Variants in PHKB observed in about 807,000 individuals in gnomAD.
PHKB encodes phosphorylase kinase regulatory subunit beta, also known as phosphorylase b kinase regulatory subunit beta.
In PHKB, 122 loss-of-function variants were observed where a neutral mutation model predicts 152.1. The observed-to-expected ratio is 0.80, with a 90% CI of 0.69 to 0.93. The LOEUF (loss-of-function observed/expected upper bound fraction) is 0.93. Ranked by LOEUF, PHKB falls within the 40% of genes least tolerant of loss-of-function variation. PHKB has a pLI of 0.00. For missense variants in PHKB, 1,304 were observed against 1,328.4 expected (o/e 0.98, Z 0.29); for synonymous variants, 436 against 464.9 (o/e 0.94, Z 0.80).
At chr16:47,506,047 A>G (rs1970411885) in intron 4 of PHKB, among the ~76,000 whole-genome samples, 2 of 148,170 alleles carry the variant, frequency 1.3e-5, no homozygotes, top group Admixed American at 6.7e-5. Context: ...AAAAAAAAAG[A>G]AAAAAGAAAA....
intron 4 of PHKB, among the ~76,000 whole-genome samples, chr16:47,509,827 T>C (rs1426580654): frequency 1.3e-5 from 2 of 150,622 alleles, no homozygotes; most frequent in South Asian, 4.2e-4. Flanking sequence ...ACTGGGTATA[T>C]ACAGTTTGTT....
At chr16:47,623,237 GTTTT>G (rs1303440006) in intron 14 of PHKB, among the ~76,000 whole-genome samples, 1 of 151,950 alleles carries the variant, frequency 6.6e-6, no homozygotes, top group Non-Finnish European at 1.5e-5. Context: ...TATTATTGCT[GTTTT>G]TTATTTCAAT....
rs539340150 is a variant in PHKB at position 47,696,346 on chromosome 16, G to A, written c.2896-35G>A. On this transcript the variant is annotated intron_variant, in intron 28 of 30. Coordinates refer to ENST00000323584, the MANE Select transcript of PHKB (RefSeq NM_000293.3). Reference sequence around the variant, plus strand: ...TATTAAATGAGAACCAGAGCATAACGGTTCAGCATGTTAATGTGGAGTTAT... The same window carrying A: ...TATTAAATGAGAACCAGAGCATAACAGTTCAGCATGTTAATGTGGAGTTAT... 4.7e-4 allele frequency: 459 copies of A among 981,636 alleles called. 1 individual carries two copies. The Middle Eastern group carries it at 0.011, about 23-fold the overall frequency. The allele number at this position is 981,636 out of a possible 1,614,324, so 60.8% of individuals were successfully genotyped here.
chr16:47,617,657 G>T (rs1363195735), intron 14 of PHKB, among the ~76,000 whole-genome samples: 1 of 152,034 alleles, frequency 6.6e-6, no homozygotes, highest in East Asian at 1.9e-4. Flanking sequence ...CACATACCTG[G>T]TATTTCTCAT....
intron 16 of PHKB, among the ~76,000 whole-genome samples, chr16:47,646,835 A>G (rs1973137412): frequency 6.6e-6 from 1 of 151,928 alleles, no homozygotes; most frequent in South Asian, 2.1e-4. Flanking sequence ...TCCTGCAGAT[A>G]TAATAACACA....
chr16:47,466,815 A>G (rs886732935), intron 1 of PHKB, among the ~76,000 whole-genome samples: 3 of 152,184 alleles, frequency 2.0e-5, no homozygotes, highest in African/African-American at 7.2e-5. Flanking sequence ...CTAACCGTCA[A>G]CTAATCAAAA....
chr16:47,577,118 T>G (rs1040013981), intron 7 of PHKB, among the ~76,000 whole-genome samples: 1 of 152,104 alleles, frequency 6.6e-6, no homozygotes, highest in Non-Finnish European at 1.5e-5. Flanking sequence ...CCTACCTTCC[T>G]GTGGGTACTT....
chr16:47,663,650 A>G (rs1973482733), intron 23 of PHKB, 27 bp from the exon 24 acceptor site: 1 of 1,598,700 alleles, frequency 6.3e-7, no homozygotes, highest in Non-Finnish European at 8.6e-7. Flanking sequence ...GCTTTGTTCA[A>G]CAAAGACTCT....
At chr16:47,636,908 G>C (rs956299894) in intron 14 of PHKB, among the ~76,000 whole-genome samples, 1 of 152,196 alleles carries the variant, frequency 6.6e-6, no homozygotes, top group Non-Finnish European at 1.5e-5. Flanking sequence ...CTGCAGCCCA[G>C]AGTGAGAAAC....
chr16:47,535,080 G>A (rs1970928778), intron 6 of PHKB, among the ~76,000 whole-genome samples: 1 of 152,210 alleles, frequency 6.6e-6, no homozygotes, highest in Non-Finnish European at 1.5e-5. Flanking sequence ...ACTCACTGCA[G>A]GTAGGGCTCG....
At position 47,640,300 on chromosome 16, in the gene PHKB, A is replaced by G. The variant is rs1388269150; in HGVS notation, c.1459-735A>G. On this transcript the variant is annotated intron_variant, in intron 14 of 30. Transcript: ENST00000323584. ...TTGATCAGTATTTTCAGAGCTCCCT[A>G]ATACTGTAATTTATTGGTGCTTCTT... Among the ~76,000 whole-genome samples, 3 of 152,178 alleles carry G rather than the reference A, an allele frequency of 2.0e-5. No individual in the cohort carries two copies. In the East Asian group the frequency reaches 5.8e-4, roughly 29 times the overall value.
In PHKB at chr16:47,698,096, G is replaced by C. The variant is rs28474983; in HGVS notation, c.3004-352G>C. 4.2e-3 allele frequency among the ~76,000 whole-genome samples: 641 copies of C among 152,244 alleles called. 6 individuals are homozygous for C. The highest frequency in any genetic ancestry group is 0.015 in the African/African-American group (611 of 41,534). ...TCCACAGACAGTGTTTTGGTGTCTTGCCAACAAGGATTGACACCCAAAGGC... is the reference window on the plus strand; with the variant it reads ...TCCACAGACAGTGTTTTGGTGTCTTCCCAACAAGGATTGACACCCAAAGGC... On this transcript the variant is annotated intron_variant, in intron 29 of 30. Coordinates refer to ENST00000323584, the MANE Select transcript of PHKB (RefSeq NM_000293.3).
In PHKB at chr16:47,559,054, C is replaced by T. The variant is rs535980570; in HGVS notation, c.710+11506C>T. Among the ~76,000 whole-genome samples, 72 of 152,264 alleles carry T rather than the reference C, an allele frequency of 4.7e-4. No homozygotes were observed. In the East Asian group the frequency reaches 0.01, roughly 22 times the overall value. On this transcript the variant is annotated intron_variant, in intron 7 of 30. Transcript: ENST00000323584. ...TATTTAATAAAATATGTACCTCACA[C>T]TGTAGGAGGAAGTTTTATGGTATTA... is the stretch of plus-strand genomic sequence containing the variant.
intron 29 of PHKB, among the ~76,000 whole-genome samples, chr16:47,696,706 G>A (rs1001334403): frequency 6.6e-6 from 1 of 152,098 alleles, no homozygotes; most frequent in Non-Finnish European, 1.5e-5. Flanking sequence ...AGGCACACGA[G>A]CAATTCAGAC....
intron 6 of PHKB, among the ~76,000 whole-genome samples, chr16:47,534,488 G>T (rs1970918321): frequency 6.6e-6 from 1 of 152,134 alleles, no homozygotes; most frequent in Non-Finnish European, 1.5e-5. Context: ...AACTGTTATG[G>T]TAGGATTTTA....
chr16:47,535,976 C>G (rs994933142), intron 6 of PHKB, among the ~76,000 whole-genome samples: 3 of 152,118 alleles, frequency 2.0e-5, no homozygotes, highest in African/African-American at 7.2e-5. Context: ...AATGGGCTAA[C>G]AACATTGAGT....
chr16:47,523,772 A>G (rs889669007), intron 6 of PHKB, among the ~76,000 whole-genome samples: 11 of 152,192 alleles, frequency 7.2e-5, no homozygotes, highest in Non-Finnish European at 1.3e-4. Flanking sequence ...TATTTCCTTT[A>G]TATGCCTAGA....
At chr16:47,663,792 C>T in intron 24 of PHKB, 58 bp downstream of exon 24, 1 of 1,015,504 alleles carries the variant, frequency 9.8e-7, no homozygotes, top group South Asian at 1.3e-5. Context: ...ATTCGATAGC[C>T]TAAAGAAAAT....
At chr16:47,645,381 G>C (rs1181716768) in intron 16 of PHKB, among the ~76,000 whole-genome samples, 2 of 112,216 alleles carry the variant, frequency 1.8e-5, no homozygotes, top group African/African-American at 7.0e-5. Flanking sequence ...ATCTTGAATT[G>C]ATTTTTGTAT....
Sources: gnomAD v4.1 joint callset for allele counts (sites outside exome capture counted in the v4.1 genomes callset) on GRCh38, gnomAD v4.1.1 for gene constraint, MANE v1.5 for transcripts, NCBI Gene and HGNC (gene_info 2026-07-23, HGNC 2026-07-21) for gene names.